The following PTP4A1 variants were observed in gnomAD, a reference collection of about 807,000 sequenced individuals.
PTP4A1 encodes protein tyrosine phosphatase type IVA 1.
Under a neutral mutation model 20.5 loss-of-function variants are expected in PTP4A1, and 9 were observed. The ratio of observed to expected loss-of-function variants is 0.44; its 90% confidence interval spans 0.26 to 0.77. PTP4A1 has a LOEUF of 0.77. Among genes scored for constraint, PTP4A1 ranks in the 30% least tolerant of loss-of-function variants. The probability of loss-of-function intolerance (pLI) is 0.19; values close to 1 mark genes in which losing one functional copy is unlikely to be tolerated. For synonymous variants in PTP4A1, 78 were observed against 67.4 expected, an observed-to-expected ratio of 1.16 and a Z score of -0.77; for missense variants, 137 against 218.8, an observed-to-expected ratio of 0.63 and a Z score of 2.36.
intron 3 of PTP4A1, among the ~76,000 whole-genome samples, chr6:63,562,893 T>C (rs1777026658): frequency 6.6e-6 from 1 of 152,240 alleles, no homozygotes. Context: ...TTATGGAACT[T>C]TTCATCAGTG....
chr6:63,518,193 C>G (rs561213377), upstream of PTP4A1, among the ~76,000 whole-genome samples: 19 of 151,480 alleles, frequency 1.3e-4, 1 homozygote, highest in African/African-American at 4.6e-4. Context: ...GGTTTCTAGA[C>G]TATCCCTTTA....
chr6:63,540,357 A>G (rs909143272), intron 2 of PTP4A1, among the ~76,000 whole-genome samples: 1 of 152,208 alleles, frequency 6.6e-6, no homozygotes, highest in Admixed American at 6.5e-5. Context: ...ACAATGGGTC[A>G]CACCTGTAAT....
intron 3 of PTP4A1, among the ~76,000 whole-genome samples, chr6:63,561,995 T>C (rs554921465): frequency 2.6e-5 from 4 of 152,144 alleles, no homozygotes; most frequent in South Asian, 4.1e-4. Flanking sequence ...AAGAGTATCA[T>C]TTTTGGAAAA....
chr6:63,551,255 G>A (rs540827192), intron 3 of PTP4A1, among the ~76,000 whole-genome samples: 8 of 152,032 alleles, frequency 5.3e-5, no homozygotes, highest in African/African-American at 9.6e-5. Context: ...TAGTAGAGAC[G>A]GAGTTTCACC....
At chr6:63,543,693 T>G (rs1035716535) in intron 2 of PTP4A1, among the ~76,000 whole-genome samples, 12 of 152,164 alleles carry the variant, frequency 7.9e-5, no homozygotes, top group African/African-American at 2.7e-4. Flanking sequence ...ATTTGAGAAA[T>G]AAACCCTAAT....
rs146443685 is a variant in PTP4A1, at chr6:63,581,627, T to C, written c.*1453T>C. On this transcript the variant is annotated 3_prime_UTR_variant, in exon 6 of 6. Transcript: ENST00000626021. ...TTAGGGTCATTCATGAAAACTTTAA[T>C]ACTAAAAGCACTTTCCATTATATAC... is the stretch of plus-strand genomic sequence containing the variant. 5.3e-5 allele frequency: 8 copies of C among 152,276 alleles called. No individual in the cohort carries two copies. The highest frequency in any genetic ancestry group is 8.8e-5 in the Non-Finnish European group (6 of 68,000). 9.4% of individuals were successfully genotyped at this position (152,276 alleles called of 1,614,324 possible).
intron 5 of PTP4A1, 69 bp from the exon 6 acceptor site, chr6:63,579,988 C>A: frequency 8.7e-7 from 1 of 1,150,960 alleles, no homozygotes; most frequent in Non-Finnish European, 1.3e-6. Flanking sequence ...TGATGGTTGT[C>A]TATAAGACAC....
At chr6:63,573,506 G>A (rs755758417) in intron 1 of PTP4A1, 2 of 152,096 alleles carry the variant, frequency 1.3e-5, no homozygotes, top group Non-Finnish European at 1.5e-5. Context: ...GCGGAGAGGG[G>A]GCGCAGCGGG....
At chr6:63,569,317 A>T (rs1347154779), upstream of PTP4A1, among the ~76,000 whole-genome samples, 1 of 152,178 alleles carries the variant, frequency 6.6e-6, no homozygotes, top group African/African-American at 2.4e-5. Flanking sequence ...GTGCAGTGCC[A>T]TGATCTCGGC....
chr6:63,546,904 T>C (rs1391108356), intron 2 of PTP4A1, among the ~76,000 whole-genome samples: 1 of 152,222 alleles, frequency 6.6e-6, no homozygotes, highest in Non-Finnish European at 1.5e-5. Context: ...TTTCGCAATG[T>C]GTAGTGTATA....
At chr6:63,554,940 A>T (rs60506677) in intron 3 of PTP4A1, among the ~76,000 whole-genome samples, 4 of 152,300 alleles carry the variant, frequency 2.6e-5, no homozygotes, top group African/African-American at 7.2e-5. Flanking sequence ...AGAATCATAC[A>T]AAGAGACAAT....
rs916934290 is a variant in PTP4A1 at position 63,583,112 on chromosome 6, T to C, written c.*2938T>C. The C allele has an allele frequency of 2.0e-5, 3 of 152,206 alleles. No individual in the cohort carries two copies. Among genetic ancestry groups the C allele is most frequent in the African/African-American group, 7.2e-5 (3 of 41,454 alleles). The allele number at this position is 152,206 out of a possible 1,614,324, so 9.4% of individuals were successfully genotyped here. A position where few individuals can be genotyped will look rare whatever the true frequency, so the allele number is the denominator to read the frequency against. ...CCAATGAGTACCCGACCCGTTGCCA[T>C]GATTAAGAGAGAATGCTTTCTATTG... On this transcript the variant is annotated 3_prime_UTR_variant, in exon 6 of 6. Transcript: ENST00000626021.
intron 1 of PTP4A1, among the ~76,000 whole-genome samples, chr6:63,526,761 T>C (rs1190067886): frequency 6.9e-6 from 1 of 145,094 alleles, no homozygotes; most frequent in African/African-American, 2.6e-5. Context: ...ATCACACCAC[T>C]GCACTCCAAC....
intron 1 of PTP4A1, among the ~76,000 whole-genome samples, chr6:63,527,500 G>T (rs75013648): frequency 0.01 from 1,562 of 152,126 alleles, 56 homozygotes; most frequent in East Asian, 0.078. Context: ...AATGTAGAGG[G>T]TATAAATAAT....
intron 3 of PTP4A1, 116 bp downstream of exon 3, chr6:63,578,645 C>T (rs1012273496): frequency 2.2e-6 from 3 of 1,371,376 alleles, no homozygotes; most frequent in Non-Finnish European, 2.9e-6. Context: ...AAGCTAAAAA[C>T]AAATATTATA....
At chr6:63,549,628 T>C in intron 2 of PTP4A1, 1 of 477,990 alleles carries the variant, frequency 2.1e-6, no homozygotes. Context: ...TAATTATCCA[T>C]ACAAAAATGG....
chr6:63,560,256 T>G (rs1266133665), intron 3 of PTP4A1, among the ~76,000 whole-genome samples: 1 of 147,312 alleles, frequency 6.8e-6, no homozygotes, highest in Non-Finnish European at 1.5e-5. Flanking sequence ...GAGAATCACT[T>G]GAACCCAGGC....
chr6:63,550,921 C>A (rs979099220), intron 3 of PTP4A1, among the ~76,000 whole-genome samples: 1 of 152,074 alleles, frequency 6.6e-6, no homozygotes, highest in African/African-American at 2.4e-5. Context: ...CCACCGTGCC[C>A]AGCCCCATAA....
chr6:63,538,939 CTGCAG>C (rs1425864685), intron 2 of PTP4A1, among the ~76,000 whole-genome samples: 1 of 152,180 alleles, frequency 6.6e-6, no homozygotes, highest in East Asian at 1.9e-4. Context: ...GTCACCCAGG[CTGCAG>C]TGCAGTGGTG....
Sources: allele counts gnomAD v4.1 joint callset (sites outside exome capture counted in the v4.1 genomes callset), GRCh38; gene constraint gnomAD v4.1.1; transcripts MANE v1.5; gene names NCBI Gene and HGNC (gene_info 2026-07-23, HGNC 2026-07-21).